HTR7: variants seen among roughly 807,000 people sequenced by gnomAD.
HTR7 encodes the protein 5-HT-7.
A neutral mutation model predicts 34.0 loss-of-function variants in HTR7; 16 were observed. The ratio of observed to expected loss-of-function variants is 0.47; its 90% confidence interval spans 0.32 to 0.71. The LOEUF is 0.71. Among genes scored for constraint, HTR7 ranks in the 30% least tolerant of loss-of-function variants. The probability of loss-of-function intolerance (pLI) is 0.04; values close to 1 mark genes in which losing one functional copy is unlikely to be tolerated. For synonymous variants in HTR7, 265 were observed against 260.2 expected (o/e 1.02, Z -0.18); for missense variants, 504 against 625.5 (o/e 0.81, Z 2.07).
intron 1 of HTR7, among the ~76,000 whole-genome samples, chr10:90,798,663 G>A (rs544461499): frequency 1.3e-5 from 2 of 152,320 alleles, no homozygotes; most frequent in Admixed American, 1.3e-4. Context: ...GTAGTGAGCT[G>A]TGATCATACA....
intron 1 of HTR7, among the ~76,000 whole-genome samples, chr10:90,789,086 T>C (rs1845426908): frequency 6.6e-6 from 1 of 152,182 alleles, no homozygotes; most frequent in Non-Finnish European, 1.5e-5. Flanking sequence ...TTATCCTTCT[T>C]CAACAGAGAT....
chr10:90,760,529 T>C (rs1308843388), intron 1 of HTR7, among the ~76,000 whole-genome samples: 1 of 152,120 alleles, frequency 6.6e-6, no homozygotes, highest in Non-Finnish European at 1.5e-5. Flanking sequence ...GATAAGTGTT[T>C]GAGATTATGG....
In HTR7 at chr10:90,749,426, G is replaced by A. The variant is rs1204583503; in HGVS notation, c.708C>T (p.Asp236=). Residue 236 remains aspartate (D), a synonymous_variant, in exon 2 of 4, where the codon GAC becomes GAT. Transcript: ENST00000336152. This position sits in a 1 kb window ranked among gnomAD's most constrained non-coding sequence, Gnocchi z 4.2. ...NDDKVCLISQ[D]FGYTIYSTAV... ...CGGTAGAGTAAATCGTATAGCCAAAGTCCTGGCTGATCAAGCACACCTTAT... is the reference window on the plus strand; with the variant it reads ...CGGTAGAGTAAATCGTATAGCCAAAATCCTGGCTGATCAAGCACACCTTAT... 8 of 1,614,060 alleles carry A rather than the reference G, an allele frequency of 5.0e-6. No individual in the cohort carries two copies. Among genetic ancestry groups the A allele is most frequent in the Admixed American group, 3.3e-5 (2 of 60,008 alleles).
chr10:90,749,599 T>C lies in HTR7; in HGVS notation c.540-5A>G. ...GGCCTTGTGATCCCAAGGTACCTAG[T>C]GGAGAGATGGAAAGATAACAGATGA... On this transcript the variant is annotated splice_region_variant and splice_polypyrimidine_tract_variant and intron_variant, in intron 1 of 3. Coordinates refer to ENST00000336152, the MANE Select transcript of HTR7 (RefSeq NM_019859.4). The surrounding 1 kb of genome is among the most constrained non-coding windows in gnomAD (Gnocchi z 4.2). 1 of 1,599,340 alleles carries C rather than the reference T, an allele frequency of 6.3e-7. No homozygotes were observed. Among genetic ancestry groups the C allele is most frequent in the Admixed American group, 1.7e-5 (1 of 59,130 alleles).
chr10:90,771,934 G>A (rs60873034), intron 1 of HTR7, among the ~76,000 whole-genome samples: 37,951 of 150,792 alleles, frequency 0.25, 5,170 homozygotes, highest in African/African-American at 0.37. Context: ...GAAATAGAGG[G>A]AAAAAAAAGT....
chr10:90,754,576 G>A (rs568826961), intron 1 of HTR7, among the ~76,000 whole-genome samples: 40 of 152,244 alleles, frequency 2.6e-4, no homozygotes, highest in African/African-American at 9.6e-4. Flanking sequence ...AGAGACGAAA[G>A]CACTGAAGTA....
chr10:90,776,590 C>T (rs901818167), intron 1 of HTR7, among the ~76,000 whole-genome samples: 5 of 152,162 alleles, frequency 3.3e-5, no homozygotes, highest in East Asian at 3.8e-4. Flanking sequence ...CTTCATACCT[C>T]ACATGTCACA....
intron 1 of HTR7, among the ~76,000 whole-genome samples, chr10:90,763,463 T>A (rs754443133): frequency 6.6e-6 from 1 of 152,216 alleles, no homozygotes; most frequent in Non-Finnish European, 1.5e-5. Context: ...CATTTTTAAA[T>A]TTTACTTTGA....
chr10:90,795,027 A>G (rs1055006650), intron 1 of HTR7, among the ~76,000 whole-genome samples: 1 of 152,196 alleles, frequency 6.6e-6, no homozygotes, highest in African/African-American at 2.4e-5. Context: ...AGCGCATGAC[A>G]GTATATACAT....
chr10:90,753,027 T>C (rs1259622987), intron 1 of HTR7, among the ~76,000 whole-genome samples: 1 of 152,206 alleles, frequency 6.6e-6, no homozygotes, highest in Non-Finnish European at 1.5e-5. Context: ...ATAAGCAACA[T>C]TTAGTTTAAT....
intron 1 of HTR7, among the ~76,000 whole-genome samples, chr10:90,752,614 T>C (rs1444156038): frequency 6.6e-6 from 1 of 151,872 alleles, no homozygotes. Context: ...ACTTATCCCA[T>C]TAAAAAAAAG....
At position 90,842,035 on chromosome 10, in the gene HTR7, C is replaced by CAAG. The variant is rs1564700615; in HGVS notation, c.539+15097_539+15098insCTT. ...AAAACAAAAACAACAACAACAACAA[C>CAAG]AAAAAAGATCCTGTTATGGTTTGAA... is the stretch of plus-strand genomic sequence containing the variant. On this transcript the variant is annotated intron_variant, in intron 1 of 3. Coordinates refer to ENST00000336152, the MANE Select transcript of HTR7 (RefSeq NM_019859.4). 3.7e-4 allele frequency among the ~76,000 whole-genome samples: 55 copies of CAAG among 149,700 alleles called. No individual in the cohort carries two copies. In the Middle Eastern group the frequency reaches 0.017, roughly 47 times the overall value.
chr10:90,820,382 T>C (rs1845961233), intron 1 of HTR7, among the ~76,000 whole-genome samples: 1 of 152,114 alleles, frequency 6.6e-6, no homozygotes, highest in Non-Finnish European at 1.5e-5. Flanking sequence ...GGAGAAAAGT[T>C]TTCATGGGAA....
chr10:90,792,547 G>A lies in HTR7; in HGVS notation c.540-42953C>T, dbSNP rs190126883. On this transcript the variant is annotated intron_variant, in intron 1 of 3. Coordinates refer to ENST00000336152, the MANE Select transcript of HTR7 (RefSeq NM_019859.4). ...TATACACAAGAGAGCTTTTTTATAA[G>A]TTGTAAAGAGATTATGGATGGTCCC... 1.2e-3 allele frequency among the ~76,000 whole-genome samples: 184 copies of A among 152,090 alleles called. 1 individual carries two copies. Among genetic ancestry groups the A allele is most frequent in the East Asian group, 0.011 (59 of 5,186 alleles).
At chr10:90,778,977 C>G (rs1056527811) in intron 1 of HTR7, among the ~76,000 whole-genome samples, 2 of 152,130 alleles carry the variant, frequency 1.3e-5, no homozygotes, top group African/African-American at 4.8e-5. Context: ...GCTGGTGTAC[C>G]CCCATCAGGA....
In HTR7 at chr10:90,749,262, C is replaced by A; in HGVS notation, c.872G>T (p.Gly291Val). 2 of 1,614,064 alleles carry A rather than the reference C, an allele frequency of 1.2e-6. No homozygotes were observed. Among genetic ancestry groups the A allele is most frequent in the Non-Finnish European group, 1.7e-6 (2 of 1,179,974 alleles). The change falls in exon 2 of 4, where the codon GGC (glycine) becomes GTC (valine). Residue 291 changes from glycine to valine, a missense_variant. Around this residue, in one of 4 missense-constraint regions of HTR7, gnomAD observed 57 missense variants for 47.5 expected, o/e 1.20. Transcript: ENST00000336152. The surrounding 1 kb of genome is among the most constrained non-coding windows in gnomAD (Gnocchi z 4.2). Reference sequence around the variant, plus strand: ...CACCTCCTTCTGGAGCTTCACTATGCCATTCAGGGCGATGACGCTGTCTGG... The same window carrying A: ...CACCTCCTTCTGGAGCTTCACTATGACATTCAGGGCGATGACGCTGTCTGG... ...VEPDSVIALN[G>V]IVKLQKEVEE...
rs757419137 is a variant in HTR7, at chr10:90,832,839, C to T, written c.539+24294G>A. On this transcript the variant is annotated intron_variant, in intron 1 of 3. Coordinates refer to ENST00000336152, the MANE Select transcript of HTR7 (RefSeq NM_019859.4). ...AACATGGTCCAGAAGGAAGGAGTCA[C>T]GCAGAAAAGGCCCTCTGAAAAAGAC... is the stretch of plus-strand genomic sequence containing the variant. 5.3e-5 allele frequency among the ~76,000 whole-genome samples: 8 copies of T among 152,290 alleles called. No individual in the cohort carries two copies. The East Asian group carries it at 5.8e-4, about 11-fold the overall frequency.
intron 1 of HTR7, among the ~76,000 whole-genome samples, chr10:90,758,288 T>C (rs1844869575): frequency 7.2e-6 from 1 of 139,202 alleles, no homozygotes; most frequent in South Asian, 2.2e-4. Context: ...GAGGTTGCAG[T>C]GAGCAGAGAT....
At position 90,749,068 on chromosome 10, in the gene HTR7, T is replaced by C; in HGVS notation, c.1066A>G (p.Thr356Ala). The C allele has an allele frequency of 6.2e-7, 1 of 1,614,026 alleles. No homozygotes were observed. The highest frequency in any genetic ancestry group is 8.5e-7 in the Non-Finnish European group (1 of 1,179,962). The part of the protein sequence containing the change: ...LSTARPFICG[T>A]SCSCIPLWVE... ...CACAGTGGGATGCAGCTGCAGGAAG[T>C]GCCACAGATGAAGGGTCTGGCTGTC... is the stretch of plus-strand genomic sequence containing the variant. The change falls in exon 2 of 4, where the codon ACT becomes GCT. Residue 356 changes from threonine to alanine, a missense_variant. By Grantham distance (58) the Thr-to-Ala change is moderately conservative. Coordinates refer to ENST00000336152, the MANE Select transcript of HTR7 (RefSeq NM_019859.4). The surrounding 1 kb of genome is among the most constrained non-coding windows in gnomAD (Gnocchi z 4.2).
Sources: gnomAD v4.1 joint callset for allele counts (sites outside exome capture counted in the v4.1 genomes callset) on GRCh38, gnomAD v4.1.1 for gene constraint, gnomAD v4.1.1 regional missense constraint, Gnocchi (gnomAD v3.1) non-coding constraint, MANE v1.5 for transcripts, NCBI Gene and HGNC (gene_info 2026-07-23, HGNC 2026-07-21) for gene names.